The following USP34 variants were observed in gnomAD, a reference collection of about 807,000 sequenced individuals.
The protein encoded by USP34 is ubiquitin carboxyl-terminal hydrolase 34.
In USP34, 70 loss-of-function variants were observed where a neutral mutation model predicts 460.3. The ratio of observed to expected loss-of-function variants is 0.15; its 90% confidence interval spans 0.13 to 0.19. The LOEUF (loss-of-function observed/expected upper bound fraction) is 0.19, where lower values mean the gene tolerates loss of function less well. Among genes scored for constraint, USP34 ranks in the 10% least tolerant of loss-of-function variants. USP34 has a pLI of 1.00. For missense variants in USP34, 3,985 were observed against 4,236.2 expected (o/e 0.94, Z 1.65); for synonymous variants, 1,647 against 1,405.3 (o/e 1.17, Z -3.85).
At position 61,217,430 on chromosome 2, in the gene USP34, T is replaced by A. The variant is rs574268971; in HGVS notation, c.8048-2736A>T. ...AGCTTTTCTTTTATACATGTTATTT[T>A]AATTCTTATTCTAAGTTATACTAAT... On this transcript the variant is annotated intron_variant, in intron 67 of 79. Coordinates refer to ENST00000398571, the MANE Select transcript of USP34 (RefSeq NM_014709.4). Among the ~76,000 whole-genome samples, 5 of 152,258 alleles carry A rather than the reference T, an allele frequency of 3.3e-5. No homozygotes were observed. The South Asian group carries it at 8.3e-4, about 25-fold the overall frequency.
chr2:61,217,924 C>T (rs1256734547), intron 67 of USP34, among the ~76,000 whole-genome samples: 1 of 152,080 alleles, frequency 6.6e-6, no homozygotes, highest in Non-Finnish European at 1.5e-5. Flanking sequence ...CACTACACTC[C>T]AGCCTGGGCC....
chr2:61,447,076 G>C (rs953531600), intron 1 of USP34, among the ~76,000 whole-genome samples: 2 of 151,802 alleles, frequency 1.3e-5, no homozygotes, highest in African/African-American at 4.8e-5. Context: ...CTAACATGGT[G>C]AAACACTGTC....
chr2:61,284,541 C>T (rs1689631634), intron 35 of USP34, among the ~76,000 whole-genome samples: 1 of 151,994 alleles, frequency 6.6e-6, no homozygotes, highest in Non-Finnish European at 1.5e-5. Context: ...ATGTTAAATT[C>T]TATAAATTTA....
rs1028097084 is a variant in USP34, at chr2:61,446,133, A to C, written c.43+24517T>G. Among the ~76,000 whole-genome samples, 5 of 149,696 alleles carry C rather than the reference A, an allele frequency of 3.3e-5. No individual in the cohort carries two copies. The South Asian group carries it at 6.5e-4, about 19-fold the overall frequency. On this transcript the variant is annotated intron_variant, in intron 1 of 79. Transcript: ENST00000398571. ...TGTCTCAAAAAAAAAAAAAAAAAAA[A>C]ACTAAACTAAAACTTAGAAATGTCT... is the stretch of plus-strand genomic sequence containing the variant.
At chr2:61,390,401 T>C (rs1693307102) in intron 5 of USP34, among the ~76,000 whole-genome samples, 2 of 152,258 alleles carry the variant, frequency 1.3e-5, no homozygotes, top group African/African-American at 4.8e-5. Context: ...CATGTTCTAT[T>C]TCTCTAAGCT....
chr2:61,471,032 C>G lies in USP34; in HGVS notation c.-340G>C, dbSNP rs1044596992. Among the ~76,000 whole-genome samples, 1 of 151,664 alleles carries G rather than the reference C, an allele frequency of 6.6e-6. No homozygotes were observed. Among genetic ancestry groups the G allele is most frequent in the Non-Finnish European group, 1.5e-5 (1 of 67,812 alleles). Reference sequence around the variant, plus strand: ...GAAGCAGCAGAGTCACTTCACCGACCAGACGCCGCGGCCACCGCCGACGCC... The same window carrying G: ...GAAGCAGCAGAGTCACTTCACCGACGAGACGCCGCGGCCACCGCCGACGCC... On this transcript the variant is annotated 5_prime_UTR_variant, in exon 1 of 80. Coordinates refer to ENST00000398571, the MANE Select transcript of USP34 (RefSeq NM_014709.4).
At chr2:61,331,430 T>A in intron 19 of USP34, 59 bp from the exon 20 acceptor site, 1 of 1,357,136 alleles carries the variant, frequency 7.4e-7, no homozygotes, top group Non-Finnish European at 9.9e-7. Flanking sequence ...AATAAATCTA[T>A]GCTATGACAG....
intron 10 of USP34, among the ~76,000 whole-genome samples, chr2:61,356,259 G>A (rs1194117996): frequency 7.9e-5 from 12 of 151,768 alleles, no homozygotes; most frequent in Admixed American, 1.3e-4. Context: ...AGGCCAAGGC[G>A]GGTGGATCAC....
intron 1 of USP34, among the ~76,000 whole-genome samples, chr2:61,424,127 C>A (rs370237152): frequency 3.9e-5 from 6 of 152,238 alleles, no homozygotes; most frequent in Admixed American, 3.9e-4. Flanking sequence ...CAATCCCACT[C>A]GTGAGCATAT....
At chr2:61,456,671 G>C (rs920999674) in intron 1 of USP34, among the ~76,000 whole-genome samples, 3 of 151,670 alleles carry the variant, frequency 2.0e-5, no homozygotes, top group African/African-American at 7.3e-5. Context: ...AAAAAAAAAT[G>C]GCCAGGCATG....
intron 6 of USP34, among the ~76,000 whole-genome samples, chr2:61,382,639 G>A (rs941711317): frequency 1.3e-5 from 2 of 152,148 alleles, no homozygotes; most frequent in African/African-American, 2.4e-5. Context: ...GTACAATACT[G>A]TCATAAATGT....
At position 61,395,163 on chromosome 2, in the gene USP34, TA is replaced by T. The variant is rs1693479416; in HGVS notation, c.603+19del. The T allele has an allele frequency of 3.4e-6, 5 of 1,488,492 alleles. No individual in the cohort carries two copies. The highest frequency in any genetic ancestry group is 2.2e-5 in the Admixed American group (1 of 46,236). 92.2% of individuals were successfully genotyped at this position (1,488,492 alleles called of 1,614,324 possible). A position where few individuals can be genotyped will look rare whatever the true frequency, so the allele number is the denominator to read the frequency against. ...AAAAATAAAATTTTCCATAAAAGAA[TA>T]AAAAAGGTAAACACTTACATTCATA... On this transcript the variant is annotated intron_variant, in intron 4 of 79. Transcript: ENST00000398571.
rs771830790 is a variant in USP34, at chr2:61,259,707, A to G, written c.5844+4T>C. 16 of 1,612,440 alleles carry G rather than the reference A, an allele frequency of 9.9e-6. No homozygotes were observed. The East Asian group carries it at 1.8e-4, about 18-fold the overall frequency. Reference sequence around the variant, plus strand: ...GGCCTAGCCTCCATGATTCTTAAACATACCATTAAATATGTAAACATTTTC... The same window carrying G: ...GGCCTAGCCTCCATGATTCTTAAACGTACCATTAAATATGTAAACATTTTC... On this transcript the variant is annotated splice_donor_region_variant and intron_variant, in intron 44 of 79. Coordinates refer to ENST00000398571, the MANE Select transcript of USP34 (RefSeq NM_014709.4).
chr2:61,325,480 A>C, intron 20 of USP34, 23 bp from the exon 21 acceptor site: 1 of 1,405,874 alleles, frequency 7.1e-7, no homozygotes. Flanking sequence ...AGTCATTAAA[A>C]TAATTAAATA....
At chr2:61,452,307 A>G (rs1329001043) in intron 1 of USP34, among the ~76,000 whole-genome samples, 1 of 149,824 alleles carries the variant, frequency 6.7e-6, no homozygotes, top group Non-Finnish European at 1.5e-5. Flanking sequence ...TCGTGCCTAT[A>G]ATTCCCGGCA....
rs1331336739 is a variant in USP34, at chr2:61,247,965, T to C, written c.6394+546A>G. 2.6e-5 allele frequency among the ~76,000 whole-genome samples: 4 copies of C among 151,978 alleles called. No homozygotes were observed. The East Asian group carries it at 5.8e-4, about 22-fold the overall frequency. ...ACTTGAGGAGGCCAATGCAGGTGGA[T>C]TGCCTGAGGTCAGGAGTTCGAGACC... is the stretch of plus-strand genomic sequence containing the variant. On this transcript the variant is annotated intron_variant, in intron 49 of 79. Coordinates refer to ENST00000398571, the MANE Select transcript of USP34 (RefSeq NM_014709.4).
intron 29 of USP34, among the ~76,000 whole-genome samples, chr2:61,298,364 C>CAAAAAAAAAAAA (rs11417017): frequency 1.5e-3 from 71 of 47,570 alleles, no homozygotes; most frequent in African/African-American, 1.9e-3. Context: ...TACAAAAATA[C>CAAAAAAAAAAAA]AAAAAAAAAA....
chr2:61,372,569 G>C (rs1019977157), intron 8 of USP34, among the ~76,000 whole-genome samples: 1 of 152,138 alleles, frequency 6.6e-6, no homozygotes, highest in Non-Finnish European at 1.5e-5. Flanking sequence ...GTTTCCGCCA[G>C]GCATGGTGGC....
intron 75 of USP34, among the ~76,000 whole-genome samples, chr2:61,199,644 T>C (rs1273972040): frequency 6.6e-6 from 1 of 152,242 alleles, no homozygotes; most frequent in Non-Finnish European, 1.5e-5. Context: ...TAACCAGTTA[T>C]GTCACTACCA....
Sources: allele counts gnomAD v4.1 joint callset (sites outside exome capture counted in the v4.1 genomes callset), GRCh38; gene constraint gnomAD v4.1.1; transcripts MANE v1.5; gene names NCBI Gene and HGNC (gene_info 2026-07-23, HGNC 2026-07-21).